Variants in HELB observed in about 807,000 individuals in gnomAD.
The protein encoded by HELB is DNA 5'-3' helicase B.
Under a neutral mutation model 101.7 loss-of-function variants are expected in HELB, and 96 were observed. That is an observed-to-expected ratio of 0.94 (90% CI 0.80 to 1.12). The LOEUF (loss-of-function observed/expected upper bound fraction) is 1.12, where lower values mean the gene tolerates loss of function less well. HELB is among the 50% of genes most tolerant of loss of function. The pLI is 0.00. For missense variants in HELB, 1,210 were observed against 1,291.9 expected (o/e 0.94, Z 0.97); for synonymous variants, 437 against 459.7 (o/e 0.95, Z 0.63).
At chr12:66,336,318 G>A (rs1195474258) in intron 12 of HELB, among the ~76,000 whole-genome samples, 2 of 152,064 alleles carry the variant, frequency 1.3e-5, no homozygotes, top group Non-Finnish European at 2.9e-5. Context: ...CTGAGTTTAG[G>A]AAATAACCCA....
chr12:66,336,994 A>T (rs1382438934), intron 12 of HELB, among the ~76,000 whole-genome samples: 1 of 152,178 alleles, frequency 6.6e-6, no homozygotes, highest in Admixed American at 6.5e-5. Flanking sequence ...AGGTTCTAAC[A>T]TTAGGTAGTA....
intron 11 of HELB, among the ~76,000 whole-genome samples, chr12:66,327,228 C>T (rs1316009828): frequency 6.6e-6 from 1 of 151,472 alleles, no homozygotes; most frequent in Non-Finnish European, 1.5e-5. Flanking sequence ...CCAAAGTTCC[C>T]CAGGTAAAGT....
rs113999529 is a variant in HELB, at chr12:66,302,526, G to T, written c.-78G>T. On this transcript the variant is annotated 5_prime_UTR_variant, in exon 1 of 13. Coordinates refer to ENST00000247815, the MANE Select transcript of HELB (RefSeq NM_001370285.1). Reference sequence around the variant, plus strand: ...CCCGGAAGTTGATGGCCTTACAGTCGTAGAACTGATTGGCTGATCATGACC... The same window carrying T: ...CCCGGAAGTTGATGGCCTTACAGTCTTAGAACTGATTGGCTGATCATGACC... The T allele has an allele frequency of 3.0e-4, 422 of 1,416,788 alleles. 1 individual carries two copies. The highest frequency in any genetic ancestry group is 1.8e-4 in the Middle Eastern group (1 of 5,470). 87.8% of individuals were successfully genotyped at this position (1,416,788 alleles called of 1,614,324 possible). A position where few individuals can be genotyped will look rare whatever the true frequency, so the allele number is the denominator to read the frequency against.
chr12:66,328,398 C>CA (rs970589611), intron 11 of HELB, among the ~76,000 whole-genome samples: 30 of 152,098 alleles, frequency 2.0e-4, no homozygotes, highest in Middle Eastern at 3.4e-3. Flanking sequence ...CCCATCTCTA[C>CA]AAAAAATACA....
chr12:66,316,257 C>T (rs528798082), intron 6 of HELB, among the ~76,000 whole-genome samples: 14 of 152,196 alleles, frequency 9.2e-5, no homozygotes, highest in African/African-American at 2.4e-4. Flanking sequence ...GCTATTCACA[C>T]GACGATGAAC....
Position 66,331,656 on chromosome 12 carries a change from T to C in HELB, c.3162+11T>C. On this transcript the variant is annotated intron_variant, in intron 12 of 12. Transcript: ENST00000247815. ...AGCAAAATTTTTATGGTAGGAGTGA[T>C]GTTTCCATGTTCCCAAGTTTTATTT... is the stretch of plus-strand genomic sequence containing the variant. The C allele has an allele frequency of 1.3e-6, 2 of 1,580,010 alleles. No homozygotes were observed. The highest frequency in any genetic ancestry group is 1.7e-6 in the Non-Finnish European group (2 of 1,169,640).
In HELB at chr12:66,315,290, A is replaced by T. The variant is rs777463984; in HGVS notation, c.1907A>T (p.Asp636Val). Residue 636 changes from aspartate to valine, a missense_variant, in exon 6 of 13, where the codon GAT becomes GTT. Physicochemically the swap from Asp to Val is radical, Grantham distance 152. This residue lies in a region of HELB where 740 missense variants were observed against 728.8 expected (regional missense o/e 1.02). Transcript: ENST00000247815. ...ATTGAACCTGGTAACTTGCTGAAAG[A>T]TCTTTTTGAGACTCTTAAGTCAAGA... ...PSIEPGNLLK[D>V]LFETLKSRNC... 4.4e-6 allele frequency: 7 copies of T among 1,608,828 alleles called. No individual in the cohort carries two copies. The highest frequency in any genetic ancestry group is 1.3e-5 in the African/African-American group (1 of 74,630).
intron 6 of HELB, 92 bp downstream of exon 6, chr12:66,315,475 T>A: frequency 3.4e-6 from 3 of 875,514 alleles, no homozygotes; most frequent in Middle Eastern, 4.0e-4. Context: ...TACAATACAT[T>A]AACTACACCT....
Position 66,315,366 on chromosome 12 carries a change from T to A in HELB, c.1983T>A (p.Ile661=), listed in dbSNP as rs750502116. The stretch of plus-strand genomic sequence containing the variant: ...ACCATAGAGCAGAATCTCAGCTCAT[T>A]GTGGACAATGCTACAAGGTATAATA... ...KTNHRAESQL[I]VDNATRISRR... The change falls in exon 6 of 13, where the codon ATT becomes ATA. Residue 661 remains isoleucine (I), a synonymous_variant. Transcript: ENST00000247815. 24 of 1,597,650 alleles carry A rather than the reference T, an allele frequency of 1.5e-5. No homozygotes were observed. The South Asian group carries it at 2.7e-4, about 18-fold the overall frequency.
At chr12:66,320,283 A>G (rs1306915106) in intron 7 of HELB, among the ~76,000 whole-genome samples, 1 of 152,306 alleles carries the variant, frequency 6.6e-6, no homozygotes, top group Non-Finnish European at 1.5e-5. Flanking sequence ...TTCCCCCAGG[A>G]CAATCCCATT....
In HELB at chr12:66,338,083, C is replaced by T. The variant is rs1427655751; in HGVS notation, c.3245C>T (p.Thr1082Ile). The T allele has an allele frequency of 1.9e-6, 3 of 1,578,100 alleles. No homozygotes were observed. The highest frequency in any genetic ancestry group is 4.5e-5 in the East Asian group (2 of 44,666). The change falls in exon 13 of 13, where the codon ACC becomes ATC. Residue 1082 changes from threonine to isoleucine, a missense_variant. By Grantham distance (89) the Thr-to-Ile change is moderately conservative. Coordinates refer to ENST00000247815, the MANE Select transcript of HELB (RefSeq NM_001370285.1). ...ATTCCCAGGCAACTTTTCAAGCCCA[C>T]CGATAATCAAGAAACTTAGTTTTAT... is the stretch of plus-strand genomic sequence containing the variant. Reference protein sequence around the residue: ...NLIPRQLFKPTDNQET With the variant: ...NLIPRQLFKPIDNQET
intron 3 of HELB, among the ~76,000 whole-genome samples, chr12:66,307,929 C>G (rs1025658374): frequency 6.6e-6 from 1 of 150,888 alleles, no homozygotes. Context: ...CAGGGTTTCA[C>G]CATGTTGGCC....
At position 66,338,090 on chromosome 12, in the gene HELB, T is replaced by C; in HGVS notation, c.3252T>C (p.Asn1084=). The change falls in exon 13 of 13, where the codon AAT becomes AAC. Residue 1084 remains asparagine (N), a synonymous_variant. Coordinates refer to ENST00000247815, the MANE Select transcript of HELB (RefSeq NM_001370285.1). ...IPRQLFKPTD[N]QET Reference sequence around the variant, plus strand: ...GGCAACTTTTCAAGCCCACCGATAATCAAGAAACTTAGTTTTATTTCAAAT... The same window carrying C: ...GGCAACTTTTCAAGCCCACCGATAACCAAGAAACTTAGTTTTATTTCAAAT... 2 of 1,527,356 alleles carry C rather than the reference T, an allele frequency of 1.3e-6. No individual in the cohort carries two copies. Among genetic ancestry groups the C allele is most frequent in the Non-Finnish European group, 1.8e-6 (2 of 1,102,576 alleles). 94.6% of individuals were successfully genotyped at this position (1,527,356 alleles called of 1,614,324 possible). A position where few individuals can be genotyped will look rare whatever the true frequency, so the allele number is the denominator to read the frequency against.
chr12:66,315,319 T>C lies in HELB; in HGVS notation c.1936T>C (p.Cys646Arg), dbSNP rs773861620. ...TTTTGAGACTCTTAAGTCAAGAAATTGTGCTATTGAGCTAAAGACAAACCA... is the reference window on the plus strand; with the variant it reads ...TTTTGAGACTCTTAAGTCAAGAAATCGTGCTATTGAGCTAAAGACAAACCA... The part of the protein sequence containing the change: ...DLFETLKSRN[C>R]AIELKTNHRA... Residue 646 changes from cysteine to arginine, a missense_variant, in exon 6 of 13, where the codon TGT (cysteine) becomes CGT (arginine). Transcript: ENST00000247815. The C allele has an allele frequency of 1.9e-6, 3 of 1,610,188 alleles. No homozygotes were observed. In the East Asian group the frequency reaches 6.7e-5, roughly 36 times the overall value.
intron 1 of HELB, among the ~76,000 whole-genome samples, chr12:66,304,386 G>A (rs1315572299): frequency 1.3e-5 from 2 of 152,196 alleles, no homozygotes; most frequent in African/African-American, 2.4e-5. Context: ...AAGGGCCATG[G>A]CATTTTAAAG....
chr12:66,308,736 T>A (rs2053506964), intron 3 of HELB, among the ~76,000 whole-genome samples: 1 of 152,236 alleles, frequency 6.6e-6, no homozygotes, highest in Non-Finnish European at 1.5e-5. Flanking sequence ...ACCAGTCATA[T>A]TAGAGTAGGG....
intron 6 of HELB, 50 bp from the exon 7 acceptor site, chr12:66,318,588 C>T: frequency 6.6e-7 from 1 of 1,520,488 alleles, no homozygotes; most frequent in Admixed American, 2.3e-5. Context: ...TATATGAAGA[C>T]ATTTTTGGAT....
chr12:66,317,935 G>C (rs1379144972), intron 6 of HELB, among the ~76,000 whole-genome samples: 2 of 152,146 alleles, frequency 1.3e-5, no homozygotes, highest in African/African-American at 4.8e-5. Flanking sequence ...TTCTGTTCGA[G>C]GAGTCAATCT....
chr12:66,337,568 G>C (rs2053879761), intron 12 of HELB, among the ~76,000 whole-genome samples: 1 of 151,336 alleles, frequency 6.6e-6, no homozygotes, highest in Non-Finnish European at 1.5e-5. Flanking sequence ...ATCCAGAACT[G>C]ACTTCATGGG....
Sources: gnomAD v4.1 joint callset for allele counts (sites outside exome capture counted in the v4.1 genomes callset) on GRCh38, gnomAD v4.1.1 for gene constraint, gnomAD v4.1.1 regional missense constraint, MANE v1.5 for transcripts, NCBI Gene and HGNC (gene_info 2026-07-23, HGNC 2026-07-21) for gene names.